RAPH1: variants seen among roughly 807,000 people sequenced by gnomAD.
RAPH1 encodes the protein ras-associated and pleckstrin homology domains-containing protein 1.
In RAPH1, 18 loss-of-function variants were observed where a neutral mutation model predicts 88.1. The observed-to-expected ratio is 0.20, with a 90% confidence interval of 0.14 to 0.30. The LOEUF (loss-of-function observed/expected upper bound fraction) is 0.30, where lower values mean the gene tolerates loss of function less well. RAPH1 is among the 10% of genes least tolerant of loss of function. The pLI, the probability that RAPH1 is intolerant of heterozygous loss-of-function variation, is 1.00. For missense variants in RAPH1, 1,448 were observed against 1,543.2 expected (o/e 0.94, Z 1.03); for synonymous variants, 587 against 559.0 (o/e 1.05, Z -0.71).
In RAPH1 at chr2:203,510,802, A is replaced by G. The variant is rs963064914; in HGVS notation, c.1-15449T>C. Among the ~76,000 whole-genome samples, 14 of 152,254 alleles carry G rather than the reference A, an allele frequency of 9.2e-5. No individual in the cohort carries two copies. The South Asian group carries it at 1.0e-3, about 11-fold the overall frequency. Reference sequence around the variant, plus strand: ...TAAAACTCACTGAGTGTACACTTTAAAAGAGTAAATGTTTGGGAGGGTGAG... The same window carrying G: ...TAAAACTCACTGAGTGTACACTTTAGAAGAGTAAATGTTTGGGAGGGTGAG... On this transcript the variant is annotated intron_variant, in intron 1 of 13. Coordinates refer to ENST00000319170, the MANE Select transcript of RAPH1 (RefSeq NM_213589.3).
intron 12 of RAPH1, 90 bp from the exon 13 acceptor site, chr2:203,445,100 G>T: frequency 8.5e-7 from 1 of 1,180,786 alleles, no homozygotes; most frequent in Non-Finnish European, 1.2e-6. Flanking sequence ...TTTTACACAA[G>T]GTCAAGTGCT....
In RAPH1 at chr2:203,529,003, A is replaced by ATTTTT. The variant is rs1248626697; in HGVS notation, c.-1+6107_-1+6108insAAAAA. Among the ~76,000 whole-genome samples, 114 of 58,748 alleles carry ATTTTT rather than the reference A, an allele frequency of 1.9e-3. 1 individual carries two copies. Among genetic ancestry groups the ATTTTT allele is most frequent in the African/African-American group, 8.8e-3 (102 of 11,554 alleles). The allele number at this position is 58,748 out of a possible 152,430, so 38.5% of individuals were successfully genotyped here. ...GCTATATATATATATATATATATATATATTTTTTTTTTTTTTTTTTTTTTT... is the reference window on the plus strand; with the variant it reads ...GCTATATATATATATATATATATATATTTTTTATTTTTTTTTTTTTTTTTTTTTTT... On this transcript the variant is annotated intron_variant, in intron 1 of 13. Coordinates refer to ENST00000319170, the MANE Select transcript of RAPH1 (RefSeq NM_213589.3).
rs1559469220 is a variant in RAPH1, at chr2:203,471,814, T to TTA, written c.733-9890_733-9889insTA. Among the ~76,000 whole-genome samples, 22 of 148,902 alleles carry TTA rather than the reference T, an allele frequency of 1.5e-4. No homozygotes were observed. The South Asian group carries it at 1.9e-3, about 13-fold the overall frequency. Reference sequence around the variant, plus strand: ...GCATAAATGCCCCTCTCACCCATTCTTTAAAAAAAAAAAAAGAAACCTAAG... The same window carrying TTA: ...GCATAAATGCCCCTCTCACCCATTCTTATTAAAAAAAAAAAAAGAAACCTAAG... On this transcript the variant is annotated intron_variant, in intron 4 of 13. Coordinates refer to ENST00000319170, the MANE Select transcript of RAPH1 (RefSeq NM_213589.3).
At chr2:203,493,817 C>CA (rs1170722203) in intron 2 of RAPH1, among the ~76,000 whole-genome samples, 4 of 151,454 alleles carry the variant, frequency 2.6e-5, no homozygotes, top group African/African-American at 7.3e-5. Context: ...AATAAAAATA[C>CA]AAAACCAGCT....
rs937337813 is a variant in RAPH1 at position 203,438,005 on chromosome 2, A to C, written c.*1432T>G. 1 of 368,594 alleles carries C rather than the reference A, an allele frequency of 2.7e-6. No individual in the cohort carries two copies. The highest frequency in any genetic ancestry group is 2.1e-5 in the African/African-American group (1 of 47,144). The allele number at this position is 368,594 out of a possible 1,614,324, so 22.8% of individuals were successfully genotyped here. On this transcript the variant is annotated 3_prime_UTR_variant, in exon 14 of 14. Coordinates refer to ENST00000319170, the MANE Select transcript of RAPH1 (RefSeq NM_213589.3). ...TACTTATTTCTCTCATGTACCAAGG[A>C]AAATTCACAGAAAAAAGCATATAGA...
chr2:203,501,080 A>G (rs1035976895), intron 1 of RAPH1, among the ~76,000 whole-genome samples: 3 of 152,194 alleles, frequency 2.0e-5, no homozygotes, highest in Non-Finnish European at 4.4e-5. Flanking sequence ...GAGTACCCCA[A>G]CTGTGCAAGT....
chr2:203,448,818 T>G lies in RAPH1; in HGVS notation c.1432A>C (p.Lys478Gln), dbSNP rs1250226058. 7 of 1,609,950 alleles carry G rather than the reference T, an allele frequency of 4.3e-6. No homozygotes were observed. The highest frequency in any genetic ancestry group is 5.9e-6 in the Non-Finnish European group (7 of 1,178,512). ...CAAAGGTATTTGATATATTGAGATT[T>G]CTTCTGGATTTGTGGATGCTGCAAG... ...LVLKHPQIQKKSQYIKYLCCD... is the reference protein window; with the variant it reads ...LVLKHPQIQKQSQYIKYLCCD... Residue 478 changes from lysine to glutamine, a missense_variant, in exon 11 of 14, where the codon AAA becomes CAA. Physicochemically the swap from Lys to Gln is moderately conservative, Grantham distance 53. Transcript: ENST00000319170. The surrounding 1 kb of genome is among the most constrained non-coding windows in gnomAD (Gnocchi z 4.1).
intron 1 of RAPH1, among the ~76,000 whole-genome samples, chr2:203,506,706 T>C (rs1462675108): frequency 1.4e-5 from 2 of 144,072 alleles, no homozygotes; most frequent in Non-Finnish European, 3.0e-5. Context: ...AAACAAATTA[T>C]AATCCACTGA....
In RAPH1 at chr2:203,535,258, GTGACTGACTGACTGACTGAC is replaced by G. The variant is rs373101454; in HGVS notation, c.-168_-149del. 1.2e-4 allele frequency: 18 copies of G among 146,520 alleles called. 1 individual carries two copies. Among genetic ancestry groups the G allele is most frequent in the Admixed American group, 1.1e-3 (16 of 14,760 alleles). 9.1% of individuals were successfully genotyped at this position (146,520 alleles called of 1,614,324 possible). On this transcript the variant is annotated 5_prime_UTR_variant, in exon 1 of 14. Coordinates refer to ENST00000319170, the MANE Select transcript of RAPH1 (RefSeq NM_213589.3). ...CAGCAGCTCCCGCGCCGCGCGCTCA[GTGACTGACTGACTGACTGAC>G]TGACTGACTGACTGACTGACTGGCG...
At chr2:203,517,142 T>A (rs1452357190) in intron 1 of RAPH1, among the ~76,000 whole-genome samples, 1 of 151,362 alleles carries the variant, frequency 6.6e-6, no homozygotes, top group Non-Finnish European at 1.5e-5. Context: ...TAGACACAAA[T>A]AGATGAAAAG....
At chr2:203,524,487 C>CT (rs1175919400) in intron 1 of RAPH1, among the ~76,000 whole-genome samples, 2 of 152,080 alleles carry the variant, frequency 1.3e-5, no homozygotes, top group Admixed American at 1.3e-4. Context: ...TCAAAGGTGC[C>CT]TGGAAAAACG....
At chr2:203,507,334 G>A (rs1439799986) in intron 1 of RAPH1, among the ~76,000 whole-genome samples, 1 of 152,050 alleles carries the variant, frequency 6.6e-6, no homozygotes, top group African/African-American at 2.4e-5. Context: ...TAATTATAAA[G>A]TATTTATTTT....
At chr2:203,444,800 G>T in intron 13 of RAPH1, 68 bp downstream of exon 13, 4 of 1,435,020 alleles carry the variant, frequency 2.8e-6, no homozygotes, top group Non-Finnish European at 3.9e-6. Context: ...AAAGACATAA[G>T]AGAGCAACAA....
At chr2:203,454,634 CT>C in intron 9 of RAPH1, 94 bp from the exon 10 acceptor site, 1 of 812,686 alleles carries the variant, frequency 1.2e-6, no homozygotes, top group East Asian at 2.7e-5. Context: ...ATCAAAACTA[CT>C]TTTGCTAATA....
intron 10 of RAPH1, among the ~76,000 whole-genome samples, chr2:203,451,342 C>T (rs951438912): frequency 2.0e-5 from 3 of 152,144 alleles, no homozygotes; most frequent in African/African-American, 7.2e-5. Flanking sequence ...AAGCAAGGCA[C>T]AGAGTAAGGT....
At chr2:203,502,922 T>A (rs2105886200) in intron 1 of RAPH1, among the ~76,000 whole-genome samples, 1 of 151,890 alleles carries the variant, frequency 6.6e-6, no homozygotes, top group South Asian at 2.1e-4. Flanking sequence ...GGCAGGCGGA[T>A]CACCTTAGGT....
intron 1 of RAPH1, among the ~76,000 whole-genome samples, chr2:203,496,612 GT>G (rs535126868): frequency 5.3e-5 from 8 of 151,818 alleles, no homozygotes; most frequent in African/African-American, 7.3e-5. Flanking sequence ...CAAATTAAAT[GT>G]TTTTTTTCTT....
At position 203,434,567 on chromosome 2, in the gene RAPH1, A is replaced by C. The variant is rs1425965913; in HGVS notation, c.*4870T>G. 4 of 97,270 alleles carry C rather than the reference A, an allele frequency of 4.1e-5. No individual in the cohort carries two copies. Among genetic ancestry groups the C allele is most frequent in the African/African-American group, 3.0e-4 (4 of 13,304 alleles). The allele number at this position is 97,270 out of a possible 1,614,324, so 6.0% of individuals were successfully genotyped here. On this transcript the variant is annotated 3_prime_UTR_variant, in exon 14 of 14. Transcript: ENST00000319170. The stretch of plus-strand genomic sequence containing the variant: ...TAGAAGGGGTTATTTTACAAGTAGC[A>C]AAAAAAAAAAAAAAAGTAGGAGGTG...
At chr2:203,488,594 A>T (rs1221957867) in intron 4 of RAPH1, among the ~76,000 whole-genome samples, 3 of 141,630 alleles carry the variant, frequency 2.1e-5, no homozygotes, top group South Asian at 2.2e-4. Flanking sequence ...CTATTAAAAA[A>T]AAAAAAAAAA....
Sources: gnomAD v4.1 joint callset for allele counts (sites outside exome capture counted in the v4.1 genomes callset) on GRCh38, gnomAD v4.1.1 for gene constraint, Gnocchi (gnomAD v3.1) non-coding constraint, MANE v1.5 for transcripts, NCBI Gene and HGNC (gene_info 2026-07-23, HGNC 2026-07-21) for gene names.